DLGAP4: variants seen among roughly 807,000 people sequenced by gnomAD.
DLGAP4 encodes DLG associated protein 4.
In DLGAP4, 18 loss-of-function variants were observed where a neutral mutation model predicts 86.9. The observed-to-expected ratio is 0.21, with a 90% CI of 0.14 to 0.31. The LOEUF (loss-of-function observed/expected upper bound fraction) is 0.31. DLGAP4 is among the 10% of genes least tolerant of loss of function. The pLI is 1.00. For missense variants in DLGAP4, 1,085 were observed against 1,362.6 expected (o/e 0.80, Z 3.21); for synonymous variants, 548 against 574.3 (o/e 0.95, Z 0.65).
chr20:36,342,264 A>C (rs1243713264), intron 1 of DLGAP4, among the ~76,000 whole-genome samples: 10 of 152,306 alleles, frequency 6.6e-5, no homozygotes, highest in African/African-American at 2.4e-4. Context: ...GATGGCTCCT[A>C]TCTCTTCATC....
At chr20:36,449,499 C>A (rs2033680266) in intron 7 of DLGAP4, among the ~76,000 whole-genome samples, 1 of 152,208 alleles carries the variant, frequency 6.6e-6, no homozygotes, top group African/African-American at 2.4e-5. Context: ...TCTCCACCTT[C>A]AAGGTCTCCA....
At chr20:36,421,726 T>C (rs552704534) in intron 2 of DLGAP4, among the ~76,000 whole-genome samples, 3 of 152,004 alleles carry the variant, frequency 2.0e-5, no homozygotes, top group Non-Finnish European at 4.4e-5. Flanking sequence ...GATGTTGTCA[T>C]GAGTAGAATC....
chr20:36,398,856 A>G (rs2147479394), intron 2 of DLGAP4, among the ~76,000 whole-genome samples: 1 of 152,306 alleles, frequency 6.6e-6, no homozygotes, highest in South Asian at 2.1e-4. Flanking sequence ...TTGCTGGAGA[A>G]TAACGTGTGG....
intron 2 of DLGAP4, among the ~76,000 whole-genome samples, chr20:36,383,949 A>C (rs1170673184): frequency 1.3e-5 from 2 of 148,814 alleles, no homozygotes; most frequent in Non-Finnish European, 1.5e-5. Context: ...GCGCCACTGC[A>C]CTCCGGCCTG....
chr20:36,439,957 C>G, intron 5 of DLGAP4, 89 bp downstream of exon 5: 2 of 1,141,704 alleles, frequency 1.8e-6, no homozygotes. Flanking sequence ...CCAGCCCATG[C>G]TGAGTGGCCC....
Position 36,367,201 on chromosome 20 carries a change from G to T in DLGAP4, c.-147G>T, listed in dbSNP as rs1321649342. On this transcript the variant is annotated 5_prime_UTR_variant, in exon 2 of 13. Transcript: ENST00000339266. ...GATGTGTGTGCCAGCCCTCGGTCCA[G>T]TGCCCGCTCCTGAGCTGACTCCTGC... 1 of 152,894 alleles carries T rather than the reference G, an allele frequency of 6.5e-6. No homozygotes were observed. The highest frequency in any genetic ancestry group is 2.4e-5 in the African/African-American group (1 of 41,476). The allele number at this position is 152,894 out of a possible 1,614,324, so 9.5% of individuals were successfully genotyped here. A position where few individuals can be genotyped will look rare whatever the true frequency, so the allele number is the denominator to read the frequency against.
intron 4 of DLGAP4, among the ~76,000 whole-genome samples, chr20:36,438,277 G>A (rs1244273270): frequency 6.6e-6 from 1 of 151,848 alleles, no homozygotes; most frequent in African/African-American, 2.4e-5. Flanking sequence ...GGGAGGCTGA[G>A]GCATGAAAAT....
chr20:36,499,350 T>TGCCCCC, intron 8 of DLGAP4: 2 of 1,545,002 alleles, frequency 1.3e-6, no homozygotes, highest in Non-Finnish European at 1.8e-6. Flanking sequence ...CTCCACCCCA[T>TGCCCCC]CCCACCTCCC....
rs780014826 is a variant in DLGAP4 at position 36,432,668 on chromosome 20, G to C, written c.951G>C (p.Leu317=). ...CCTCAGCCACCTTGGATAAGAGCCTGCTCAAGTCCAAATCCTGCCACCAGG... is the reference window on the plus strand; with the variant it reads ...CCTCAGCCACCTTGGATAAGAGCCTCCTCAAGTCCAAATCCTGCCACCAGG... ...QKTSATLDKS[L]LKSKSCHQGL... Residue 317 remains leucine (L), a synonymous_variant, in exon 3 of 13, where the codon CTG becomes CTC. Transcript: ENST00000339266. This position sits in a 1 kb window ranked among gnomAD's most constrained non-coding sequence, Gnocchi z 6.5. The C allele has an allele frequency of 6.2e-7, 1 of 1,613,452 alleles. No individual in the cohort carries two copies. Among genetic ancestry groups the C allele is most frequent in the Non-Finnish European group, 8.5e-7 (1 of 1,179,772 alleles).
intron 7 of DLGAP4, chr20:36,462,559 TC>T (rs757997206): frequency 1.2e-6 from 2 of 1,602,230 alleles, no homozygotes; most frequent in Non-Finnish European, 1.7e-6. Flanking sequence ...CTGACCCCCA[TC>T]CGGCCCTCAT....
At chr20:36,366,775 C>T (rs1238727291) in intron 1 of DLGAP4, among the ~76,000 whole-genome samples, 2 of 152,164 alleles carry the variant, frequency 1.3e-5, no homozygotes, top group Admixed American at 6.5e-5. Flanking sequence ...CCCAGCTTCC[C>T]GACTGCTGTG....
At position 36,487,398 on chromosome 20, in the gene DLGAP4, G is replaced by T. The variant is rs139954856; in HGVS notation, c.1649-9307G>T. Among the ~76,000 whole-genome samples the T allele has an allele frequency of 7.0e-4, 107 of 152,302 alleles. 1 individual carries two copies. In the East Asian group the frequency reaches 0.017, roughly 24 times the overall value. On this transcript the variant is annotated intron_variant, in intron 7 of 12. Transcript: ENST00000339266. ...GGGCCAGTCTGGAGGGACTTCATGA[G>T]AAATGGGATGCTATGGGCAGGAAGA... is the stretch of plus-strand genomic sequence containing the variant.
Position 36,308,101 on chromosome 20 carries a change from C to T in DLGAP4, c.-304+1589C>T, listed in dbSNP as rs782037327. 6.6e-6 allele frequency among the ~76,000 whole-genome samples: 1 copy of T among 152,202 alleles called. No individual in the cohort carries two copies. The highest frequency in any genetic ancestry group is 1.5e-5 in the Non-Finnish European group (1 of 68,026). ...ACTCCGAGTGTGTTCCCAGCAGCTC[C>T]GGAGACGCTGGCTGTGCACGTGGGG... is the stretch of plus-strand genomic sequence containing the variant. On this transcript the variant is annotated intron_variant, in intron 1 of 12. Coordinates refer to ENST00000339266, the MANE Select transcript of DLGAP4 (RefSeq NM_001365621.2). The surrounding 1 kb of genome is among the most constrained non-coding windows in gnomAD (Gnocchi z 4.5).
chr20:36,315,552 G>C (rs2065091215), intron 1 of DLGAP4, among the ~76,000 whole-genome samples: 1 of 152,038 alleles, frequency 6.6e-6, no homozygotes, highest in South Asian at 2.1e-4. Flanking sequence ...TTGGGTCCCT[G>C]GGGTTGCTGG....
intron 7 of DLGAP4, among the ~76,000 whole-genome samples, chr20:36,460,655 G>A (rs2034001806): frequency 6.6e-6 from 1 of 152,210 alleles, no homozygotes; most frequent in Admixed American, 6.5e-5. Flanking sequence ...GGAGAGATGA[G>A]GCCCACAAGG....
At chr20:36,493,482 A>C (rs2035754265) in intron 7 of DLGAP4, among the ~76,000 whole-genome samples, 1 of 152,070 alleles carries the variant, frequency 6.6e-6, no homozygotes, top group Non-Finnish European at 1.5e-5. Flanking sequence ...AACAGAGGAG[A>C]GTTCTGAGAA....
chr20:36,429,573 A>G (rs1398714687), intron 2 of DLGAP4, among the ~76,000 whole-genome samples: 1 of 150,470 alleles, frequency 6.6e-6, no homozygotes, highest in African/African-American at 2.5e-5. Context: ...CACCCAGCTA[A>G]TTTTTTGTTT....
rs971956862 is a variant in DLGAP4 at position 36,477,385 on chromosome 20, A to G, written c.1649-19320A>G. Reference sequence around the variant, plus strand: ...GCTGGGATTACAGGCATGAGCCACCATGCCCAGGCAATTCTCCAAGTTAAT... The same window carrying G: ...GCTGGGATTACAGGCATGAGCCACCGTGCCCAGGCAATTCTCCAAGTTAAT... On this transcript the variant is annotated intron_variant, in intron 7 of 12. Transcript: ENST00000339266. 2.6e-5 allele frequency among the ~76,000 whole-genome samples: 4 copies of G among 152,328 alleles called. 1 individual carries two copies.
At chr20:36,371,256 T>A (rs549442411) in intron 2 of DLGAP4, among the ~76,000 whole-genome samples, 1 of 152,360 alleles carries the variant, frequency 6.6e-6, no homozygotes, top group African/African-American at 2.4e-5. Flanking sequence ...CGGGGTAGTC[T>A]GCTATGCTGA....
Sources: gnomAD v4.1 joint callset for allele counts (sites outside exome capture counted in the v4.1 genomes callset) on GRCh38, gnomAD v4.1.1 for gene constraint, Gnocchi (gnomAD v3.1) non-coding constraint, MANE v1.5 for transcripts, NCBI Gene and HGNC (gene_info 2026-07-23, HGNC 2026-07-21) for gene names.